TTC28: variants seen among roughly 807,000 people sequenced by gnomAD.
TTC28 encodes tetratricopeptide repeat protein 28.
Under a neutral mutation model 198.0 loss-of-function variants are expected in TTC28, and 61 were observed. The ratio of observed to expected loss-of-function variants is 0.31; its 90% CI spans 0.25 to 0.38. TTC28 has a LOEUF of 0.38. TTC28 is among the 10% of genes least tolerant of loss of function. The pLI is 1.00. For synonymous variants in TTC28, 1,171 were observed against 1,297.8 expected (o/e 0.90, Z 2.10); for missense variants, 2,678 against 3,164.0 (o/e 0.85, Z 3.69).
At chr22:28,410,163 C>T (rs1224796059) in intron 2 of TTC28, among the ~76,000 whole-genome samples, 1 of 152,180 alleles carries the variant, frequency 6.6e-6, no homozygotes, top group Non-Finnish European at 1.5e-5. Context: ...CTCAAGTGAT[C>T]TGCCCACCTC....
At chr22:28,074,739 CA>C (rs1941111239) in intron 12 of TTC28, among the ~76,000 whole-genome samples, 1 of 150,342 alleles carries the variant, frequency 6.7e-6, no homozygotes, top group Non-Finnish European at 1.5e-5. Flanking sequence ...TACCATTCAC[CA>C]GATTATCCCC....
intron 2 of TTC28, among the ~76,000 whole-genome samples, chr22:28,403,369 C>G (rs1370277264): frequency 6.6e-6 from 1 of 152,112 alleles, no homozygotes. Context: ...ATACTGATGT[C>G]CAGAAGAAGA....
At chr22:28,632,532 ATG>A (rs2051195084) in intron 1 of TTC28, among the ~76,000 whole-genome samples, 1 of 151,926 alleles carries the variant, frequency 6.6e-6, no homozygotes, top group Non-Finnish European at 1.5e-5. Context: ...TAAATGGACT[ATG>A]TAACATTTAC....
At chr22:28,329,037 A>T (rs2045576481) in intron 2 of TTC28, among the ~76,000 whole-genome samples, 1 of 151,994 alleles carries the variant, frequency 6.6e-6, no homozygotes, top group African/African-American at 2.4e-5. Flanking sequence ...AGTTGCACAG[A>T]TAGTGGGCAA....
At chr22:28,019,343 C>T (rs1262627484) in intron 13 of TTC28, among the ~76,000 whole-genome samples, 1 of 152,212 alleles carries the variant, frequency 6.6e-6, no homozygotes, top group African/African-American at 2.4e-5. Flanking sequence ...AAGCCCTCAA[C>T]CCCTCTGCTG....
chr22:28,607,887 T>C (rs1417264876), intron 2 of TTC28, among the ~76,000 whole-genome samples: 1 of 152,208 alleles, frequency 6.6e-6, no homozygotes, highest in Non-Finnish European at 1.5e-5. Flanking sequence ...TTAGCCTCCC[T>C]GCTTCTGCTT....
intron 1 of TTC28, among the ~76,000 whole-genome samples, chr22:28,663,001 T>C (rs2051772621): frequency 6.6e-6 from 1 of 151,888 alleles, no homozygotes; most frequent in Non-Finnish European, 1.5e-5. Flanking sequence ...GTAATCCCAG[T>C]ACTTTGGGAG....
chr22:28,370,393 T>C (rs2046314632), intron 2 of TTC28, among the ~76,000 whole-genome samples: 2 of 152,204 alleles, frequency 1.3e-5, no homozygotes, highest in South Asian at 2.1e-4. Context: ...CCTCTATAAA[T>C]AGCACCTTCA....
chr22:28,009,050 C>T (rs747396514), intron 14 of TTC28, among the ~76,000 whole-genome samples: 1 of 152,216 alleles, frequency 6.6e-6, no homozygotes, highest in Non-Finnish European at 1.5e-5. Flanking sequence ...TCTTTAGTGA[C>T]ATTTTCTCCT....
intron 2 of TTC28, among the ~76,000 whole-genome samples, chr22:28,388,248 C>G (rs1483673259): frequency 6.6e-6 from 1 of 152,134 alleles, no homozygotes; most frequent in African/African-American, 2.4e-5. Context: ...GTTACTGTAG[C>G]CTTGTAGTAT....
At chr22:28,341,682 C>T (rs1292180568) in intron 2 of TTC28, among the ~76,000 whole-genome samples, 2 of 151,802 alleles carry the variant, frequency 1.3e-5, no homozygotes, top group East Asian at 1.9e-4. Flanking sequence ...CCCAGCTACT[C>T]GGGAGGTTGA....
chr22:28,576,871 T>C (rs2050159860), intron 2 of TTC28, among the ~76,000 whole-genome samples: 1 of 152,042 alleles, frequency 6.6e-6, no homozygotes, highest in South Asian at 2.1e-4. Flanking sequence ...TCTTCTCTCT[T>C]TTTTTCCTAG....
Position 28,105,785 on chromosome 22 carries a change from T to A in TTC28, c.2801A>T (p.Gln934Leu), listed in dbSNP as rs1183384863. Reference protein sequence around the residue: ...GNGHRAMGSLQQALVCFEKRL... With the variant: ...GNGHRAMGSLLQALVCFEKRL... ...CTTTTCAAAGCACACAAGGGCTTGC[T>A]GCAAGCTCCCCATTGCCCTGTGGGG... Residue 934 changes from glutamine (Q) to leucine (L), a missense_variant, in exon 8 of 23, where the codon CAG becomes CTG. Transcript: ENST00000397906. 6.4e-7 allele frequency: 1 copy of A among 1,551,076 alleles called. No homozygotes were observed. The highest frequency in any genetic ancestry group is 2.0e-5 in the Admixed American group (1 of 50,952).
At chr22:28,366,759 C>A (rs5762572) in intron 2 of TTC28, among the ~76,000 whole-genome samples, 1 of 151,528 alleles carries the variant, frequency 6.6e-6, no homozygotes, top group Non-Finnish European at 1.5e-5. Context: ...ACATTCCATG[C>A]GAACATAAAA....
chr22:28,409,803 C>T (rs1048856130), intron 2 of TTC28, among the ~76,000 whole-genome samples: 9 of 151,550 alleles, frequency 5.9e-5, no homozygotes, highest in African/African-American at 1.9e-4. Context: ...ACTACAGGCG[C>T]ACAGCACCAT....
At chr22:28,151,491 C>A (rs1943607866) in intron 6 of TTC28, among the ~76,000 whole-genome samples, 9 of 152,224 alleles carry the variant, frequency 5.9e-5, no homozygotes, top group Admixed American at 5.9e-4. Flanking sequence ...TACAGATGCA[C>A]AGTATCTGTA....
chr22:28,088,117 C>T (rs1251620990), intron 12 of TTC28, among the ~76,000 whole-genome samples: 2 of 152,126 alleles, frequency 1.3e-5, no homozygotes, highest in South Asian at 2.1e-4. Context: ...AATGCCATCC[C>T]CATCAAGCTA....
At chr22:28,193,269 A>C (rs187974037) in intron 5 of TTC28, among the ~76,000 whole-genome samples, 81 of 152,332 alleles carry the variant, frequency 5.3e-4, no homozygotes, top group Non-Finnish European at 7.1e-4. Flanking sequence ...CCTGCCTTAC[A>C]AGAGCTCCTG....
chr22:28,606,829 C>T (rs2050743812), intron 2 of TTC28, among the ~76,000 whole-genome samples: 1 of 151,942 alleles, frequency 6.6e-6, no homozygotes, highest in Non-Finnish European at 1.5e-5. Context: ...CAGGTAATAA[C>T]AATTGTTCTG....
Sources: gnomAD v4.1 joint callset for allele counts (sites outside exome capture counted in the v4.1 genomes callset) on GRCh38, gnomAD v4.1.1 for gene constraint, MANE v1.5 for transcripts, NCBI Gene and HGNC (gene_info 2026-07-23, HGNC 2026-07-21) for gene names.